The following CPNE7 variants were observed in gnomAD, a reference collection of about 807,000 sequenced individuals.
CPNE7 encodes the protein copine-7.
Under a neutral mutation model 66.5 loss-of-function variants are expected in CPNE7, and 78 were observed. The observed-to-expected ratio is 1.17, with a 90% confidence interval of 0.98 to 1.42. The LOEUF (loss-of-function observed/expected upper bound fraction) is 1.42. Among genes scored for constraint, CPNE7 ranks in the 40% most tolerant of loss-of-function variants. The probability of loss-of-function intolerance (pLI) is 0.00; values close to 1 mark genes in which losing one functional copy is unlikely to be tolerated. For missense variants in CPNE7, 1,012 were observed against 776.6 expected, an observed-to-expected ratio of 1.30 and a Z score of -3.60; for synonymous variants, 468 against 336.7, an observed-to-expected ratio of 1.39 and a Z score of -4.27.
chr16:89,583,618 G>A lies in CPNE7; in HGVS notation c.358-79G>A, dbSNP rs1338516740. 15 of 1,607,612 alleles carry A rather than the reference G, an allele frequency of 9.3e-6. No individual in the cohort carries two copies. In the East Asian group the frequency reaches 2.2e-4, roughly 24 times the overall value. On this transcript the variant is annotated intron_variant, in intron 2 of 14. Coordinates refer to ENST00000319518, the MANE Select transcript of CPNE7 (RefSeq NM_153636.3). The stretch of plus-strand genomic sequence containing the variant: ...GGAGACAGGACAGGCCTGAGAGTCC[G>A]GGTGAGGGCGCGGTGGGGTCTCCAG...
Position 89,585,773 on chromosome 16 carries a change from T to G in CPNE7, c.768T>G (p.Phe256Leu). ...CCTTCGAGGAGATGCAGAAGGCCTT[T>G]GAGGAGGGGCAGGTGAGCAGGACGG... ...STTFEEMQKAFEEGQAQWDCV... is the reference protein window; with the variant it reads ...STTFEEMQKALEEGQAQWDCV... Residue 256 changes from phenylalanine (F) to leucine (L), a missense_variant, in exon 7 of 15, where the codon TTT becomes TTG. Transcript: ENST00000319518. 1 of 1,294,508 alleles carries G rather than the reference T, an allele frequency of 7.7e-7. No individual in the cohort carries two copies. The highest frequency in any genetic ancestry group is 1.0e-6 in the Non-Finnish European group (1 of 997,758). 80.2% of individuals were successfully genotyped at this position (1,294,508 alleles called of 1,614,324 possible).
rs747972308 is a variant in CPNE7 at position 89,584,875 on chromosome 16, G to A, written c.591+18G>A. 2 of 1,607,604 alleles carry A rather than the reference G, an allele frequency of 1.2e-6. No individual in the cohort carries two copies. Among genetic ancestry groups the A allele is most frequent in the South Asian group, 1.1e-5 (1 of 90,852 alleles). ...GGACGGAGGTGAGCGGCCGGGGATG[G>A]GAACACAGGGAGGGGAAGGGGCTGT... is the stretch of plus-strand genomic sequence containing the variant. On this transcript the variant is annotated intron_variant, in intron 5 of 14. Coordinates refer to ENST00000319518, the MANE Select transcript of CPNE7 (RefSeq NM_153636.3). This position sits in a 1 kb window ranked among gnomAD's most constrained non-coding sequence, Gnocchi z 6.0.
chr16:89,589,050 G>T (rs1567962979), intron 10 of CPNE7, among the ~76,000 whole-genome samples: 2 of 152,212 alleles, frequency 1.3e-5, no homozygotes, highest in African/African-American at 2.4e-5. Flanking sequence ...CCAGCATTTT[G>T]GGAGGCCGAG....
chr16:89,594,235 G>A (rs1305726068), intron 13 of CPNE7: 2 of 151,384 alleles, frequency 1.3e-5, no homozygotes, highest in East Asian at 1.9e-4. Context: ...AGGGGGTGGG[G>A]GGCTTTCTGA....
At position 89,591,003 on chromosome 16, in the gene CPNE7, C is replaced by G. The variant is rs751358984; in HGVS notation, c.1117-4C>G. 2 of 1,613,654 alleles carry G rather than the reference C, an allele frequency of 1.2e-6. No homozygotes were observed. Among genetic ancestry groups the G allele is most frequent in the African/African-American group, 1.3e-5 (1 of 74,968 alleles). On this transcript the variant is annotated splice_polypyrimidine_tract_variant and splice_region_variant and intron_variant, in intron 11 of 14. Transcript: ENST00000319518. ...GCTGACTGAGCCCTCTTGTTCCCAC[C>G]CAGGTGTCCCATGACTTTGCCATCA... is the stretch of plus-strand genomic sequence containing the variant.
intron 13 of CPNE7, among the ~76,000 whole-genome samples, 172 bp downstream of exon 13, chr16:89,591,432 G>T (rs2059167688): frequency 6.6e-6 from 1 of 152,210 alleles, no homozygotes; most frequent in Admixed American, 6.5e-5. Flanking sequence ...CTCCCTCAAA[G>T]GTGCAGGTGT....
rs770421296 is a variant in CPNE7 at position 89,584,085 on chromosome 16, A to G, written c.490A>G (p.Arg164Gly). 10 of 1,611,544 alleles carry G rather than the reference A, an allele frequency of 6.2e-6. No individual in the cohort carries two copies. The highest frequency in any genetic ancestry group is 3.4e-6 in the Non-Finnish European group (4 of 1,179,370). The change falls in exon 4 of 15, where the codon AGG (arginine) becomes GGG (glycine). Residue 164 changes from arginine (R) to glycine (G), a missense_variant. Coordinates refer to ENST00000319518, the MANE Select transcript of CPNE7 (RefSeq NM_153636.3). The surrounding 1 kb of genome is among the most constrained non-coding windows in gnomAD (Gnocchi z 6.0). ...NGYVELSFRA[R>G]KLDDKDLFSK... is the part of the protein sequence containing the mutation. ...CTACGTGGAGCTCTCCTTCCGGGCC[A>G]GGAAGCTGGACGACAAGGTGAGTGC... is the stretch of plus-strand genomic sequence containing the variant.
At chr16:89,595,816 G>A (rs1026776419) in intron 14 of CPNE7, 1 of 679,886 alleles carries the variant, frequency 1.5e-6, no homozygotes, top group Non-Finnish European at 2.7e-6. Flanking sequence ...GAAACTTGTC[G>A]AATCTACACA....
At position 89,584,070 on chromosome 16, in the gene CPNE7, C is replaced by T. The variant is rs548676643; in HGVS notation, c.475C>T (p.Leu159Phe). The change falls in exon 4 of 15, where the codon CTC becomes TTC. Residue 159 changes from leucine to phenylalanine, a missense_variant. Leu to Phe is a conservative substitution (Grantham distance 22). Coordinates refer to ENST00000319518, the MANE Select transcript of CPNE7 (RefSeq NM_153636.3). This position sits in a 1 kb window ranked among gnomAD's most constrained non-coding sequence, Gnocchi z 6.0. Reference sequence around the variant, plus strand: ...CTCGGGGAACAACGGCTACGTGGAGCTCTCCTTCCGGGCCAGGAAGCTGGA... The same window carrying T: ...CTCGGGGAACAACGGCTACGTGGAGTTCTCCTTCCGGGCCAGGAAGCTGGA... ...DISGNNGYVE[L>F]SFRARKLDDK... The T allele has an allele frequency of 1.9e-6, 3 of 1,612,052 alleles. No homozygotes were observed. In the East Asian group the frequency reaches 6.7e-5, roughly 36 times the overall value.
At chr16:89,591,864 C>G (rs2059176013) in intron 13 of CPNE7, among the ~76,000 whole-genome samples, 1 of 151,770 alleles carries the variant, frequency 6.6e-6, no homozygotes, top group Admixed American at 6.6e-5. Flanking sequence ...CCACTTCTGG[C>G]TAATTTTTGT....
At chr16:89,596,351 G>A in intron 14 of CPNE7, 133 bp from the exon 15 acceptor site, 5 of 1,263,094 alleles carry the variant, frequency 4.0e-6, no homozygotes, top group Non-Finnish European at 5.4e-6. Context: ...CCGGCACCCA[G>A]GTGAGCCTCT....
rs1036315386 is a variant in CPNE7, at chr16:89,584,967, G to A, written c.591+110G>A. On this transcript the variant is annotated intron_variant, in intron 5 of 14. Coordinates refer to ENST00000319518, the MANE Select transcript of CPNE7 (RefSeq NM_153636.3). This position sits in a 1 kb window ranked among gnomAD's most constrained non-coding sequence, Gnocchi z 6.0. The stretch of plus-strand genomic sequence containing the variant: ...CAGCCTCCAACAGGGAGCTGTGGGC[G>A]CAGGGCTTTGGTGGCTGTGGCTATG... 1.9e-5 allele frequency: 19 copies of A among 993,654 alleles called. No homozygotes were observed. The highest frequency in any genetic ancestry group is 4.7e-5 in the African/African-American group (3 of 63,354). 61.6% of individuals were successfully genotyped at this position (993,654 alleles called of 1,614,324 possible).
At position 89,595,617 on chromosome 16, in the gene CPNE7, A is replaced by T; in HGVS notation, c.1539+14A>T. 1 of 1,591,942 alleles carries T rather than the reference A, an allele frequency of 6.3e-7. No homozygotes were observed. Among genetic ancestry groups the T allele is most frequent in the African/African-American group, 1.3e-5 (1 of 74,646 alleles). On this transcript the variant is annotated intron_variant, in intron 14 of 14. Coordinates refer to ENST00000319518, the MANE Select transcript of CPNE7 (RefSeq NM_153636.3). Reference sequence around the variant, plus strand: ...GAGCTCAAGAACGTGAGTGTCCTGGAGGGGCTCCGTCAAGGCCGGCTTGGG... The same window carrying T: ...GAGCTCAAGAACGTGAGTGTCCTGGTGGGGCTCCGTCAAGGCCGGCTTGGG...
intron 11 of CPNE7, 126 bp downstream of exon 11, chr16:89,590,077 G>A: frequency 9.3e-7 from 1 of 1,075,632 alleles, no homozygotes; most frequent in Non-Finnish European, 1.4e-6. Flanking sequence ...ATGGGATTGG[G>A]GTGCAAAGCG....
At position 89,588,189 on chromosome 16, in the gene CPNE7, C is replaced by T. The variant is rs1349366159; in HGVS notation, c.928-486C>T. 2.5e-4 allele frequency among the ~76,000 whole-genome samples: 31 copies of T among 125,522 alleles called. 7 individuals are homozygous for T. Among genetic ancestry groups the T allele is most frequent in the African/African-American group, 7.5e-4 (23 of 30,764 alleles). The allele number at this position is 125,522 out of a possible 152,430, so 82.3% of individuals were successfully genotyped here. A position where few individuals can be genotyped will look rare whatever the true frequency, so the allele number is the denominator to read the frequency against. Reference sequence around the variant, plus strand: ...CACCCGCGTGTCACCCACAGATACACGGCCCCCGTGTCACCCGCGTGTCAC... The same window carrying T: ...CACCCGCGTGTCACCCACAGATACATGGCCCCCGTGTCACCCGCGTGTCAC... On this transcript the variant is annotated intron_variant, in intron 9 of 14. Coordinates refer to ENST00000319518, the MANE Select transcript of CPNE7 (RefSeq NM_153636.3).
At chr16:89,580,372 A>G (rs1470086362) in intron 2 of CPNE7, among the ~76,000 whole-genome samples, 3 of 125,346 alleles carry the variant, frequency 2.4e-5, no homozygotes, top group East Asian at 2.7e-4. Context: ...GGAACATCCC[A>G]TCACCCGTCA....
In CPNE7 at chr16:89,590,987, G is replaced by A; in HGVS notation, c.1117-20G>A. 1 of 1,613,482 alleles carries A rather than the reference G, an allele frequency of 6.2e-7. No homozygotes were observed. On this transcript the variant is annotated intron_variant, in intron 11 of 14. Coordinates refer to ENST00000319518, the MANE Select transcript of CPNE7 (RefSeq NM_153636.3). ...TGTGTTGCAACGAGCAGCTGACTGA[G>A]CCCTCTTGTTCCCACCCAGGTGTCC...
At chr16:89,594,836 G>C (rs2059228651) in intron 13 of CPNE7, among the ~76,000 whole-genome samples, 1 of 151,782 alleles carries the variant, frequency 6.6e-6, no homozygotes, top group African/African-American at 2.4e-5. Flanking sequence ...ATTTTTAGTA[G>C]AGATGGGGTT....
rs149812493 is a variant in CPNE7, at chr16:89,578,952, G to A, written c.357+1231G>A. Reference sequence around the variant, plus strand: ...GCGCTAAGCACTTCCTGTGCTGCACGGAATCCTCACACCTTGCCAGGACGG... The same window carrying A: ...GCGCTAAGCACTTCCTGTGCTGCACAGAATCCTCACACCTTGCCAGGACGG... On this transcript the variant is annotated intron_variant, in intron 2 of 14. Coordinates refer to ENST00000319518, the MANE Select transcript of CPNE7 (RefSeq NM_153636.3). The A allele has an allele frequency of 1.5e-3, 2,478 of 1,612,314 alleles. 37 individuals carry two copies. In the African/African-American group the frequency reaches 0.029, roughly 19 times the overall value.
Sources: gnomAD v4.1 joint callset for allele counts (sites outside exome capture counted in the v4.1 genomes callset) on GRCh38, gnomAD v4.1.1 for gene constraint, Gnocchi (gnomAD v3.1) non-coding constraint, MANE v1.5 for transcripts, NCBI Gene and HGNC (gene_info 2026-07-23, HGNC 2026-07-21) for gene names.